DNAH2: variants seen among roughly 807,000 people sequenced by gnomAD.
DNAH2 encodes the protein dynein axonemal heavy chain 2.
DNAH2 carries 323 observed loss-of-function variants against 523.5 expected under a neutral mutation model. The observed-to-expected ratio is 0.62, with a 90% CI of 0.56 to 0.68. DNAH2 has a LOEUF of 0.68. DNAH2 is among the 30% of genes least tolerant of loss of function. The pLI is 0.00. For synonymous variants in DNAH2, 2,093 were observed against 2,177.4 expected, an observed-to-expected ratio of 0.96 and a Z score of 1.08; for missense variants, 4,907 against 5,701.5, an observed-to-expected ratio of 0.86 and a Z score of 4.49.
Position 7,833,505 on chromosome 17 carries a change from C to T in DNAH2, c.13256C>T (p.Thr4419Ile). Reference protein sequence around the residue: ...MTPDHWIKRGTALLMSLDS With the variant: ...MTPDHWIKRGIALLMSLDS ...CCTGATCATTGGATCAAGAGGGGCA[C>T]TGCTCTACTCATGAGCCTGGACAGC... The change falls in exon 86 of 86, where the codon ACT becomes ATT. Residue 4419 changes from threonine (T) to isoleucine (I), a missense_variant. Physicochemically the swap from Thr to Ile is moderately conservative, Grantham distance 89. Transcript: ENST00000572933. The T allele has an allele frequency of 2.5e-6, 4 of 1,614,130 alleles. No individual in the cohort carries two copies. The highest frequency in any genetic ancestry group is 3.4e-6 in the Non-Finnish European group (4 of 1,180,050).
rs368749075 is a variant in DNAH2, at chr17:7,759,096, A to G, written c.2420A>G (p.Tyr807Cys). Residue 807 changes from tyrosine (Y) to cysteine (C), a missense_variant, in exon 15 of 86, where the codon TAT becomes TGT. Around this residue, in one of 3 missense-constraint regions of DNAH2, gnomAD observed 2,806 missense variants for 3,190.8 expected, o/e 0.88. Transcript: ENST00000572933. ...GTGGTGACCATCATGACCAACTCCT[A>G]TGAGGTCTTCAAGAATGATGGTCCT... Reference protein sequence around the residue: ...QDVVTIMTNSYEVFKNDGPEI... With the variant: ...QDVVTIMTNSCEVFKNDGPEI... The G allele has an allele frequency of 5.5e-5, 88 of 1,614,068 alleles. 1 individual carries two copies. The highest frequency in any genetic ancestry group is 9.3e-5 in the African/African-American group (7 of 74,922).
Position 7,779,917 on chromosome 17 carries a change from G to A in DNAH2, c.5723-240G>A, listed in dbSNP as rs1420759300. On this transcript the variant is annotated intron_variant, in intron 36 of 85. Transcript: ENST00000572933. ...AGAGATGGGAAATTGACAGCTCTGT[G>A]ATTTGAGTTTGAAACAAGGCCATGC... Among the ~76,000 whole-genome samples the A allele has an allele frequency of 2.0e-5, 3 of 152,174 alleles. No individual in the cohort carries two copies. In the East Asian group the frequency reaches 5.8e-4, roughly 29 times the overall value.
Position 7,754,991 on chromosome 17 carries a change from G to A in DNAH2, c.1905-2100G>A. ...GAAAAAAAAAAAAAAAGAATAGGCA[G>A]CCCAGGAAGAAGGGTTAGCCTTGGG... On this transcript the variant is annotated intron_variant, in intron 12 of 85. Transcript: ENST00000572933. The surrounding 1 kb of genome is among the most constrained non-coding windows in gnomAD (Gnocchi z 4.6). The A allele has an allele frequency of 2.5e-6, 1 of 408,078 alleles. No individual in the cohort carries two copies. Among genetic ancestry groups the A allele is most frequent in the South Asian group, 6.9e-5 (1 of 14,414 alleles). 25.3% of individuals were successfully genotyped at this position (408,078 alleles called of 1,614,324 possible).
At chr17:7,823,329 C>T in intron 73 of DNAH2, 113 bp from the exon 74 acceptor site, 2 of 1,051,310 alleles carry the variant, frequency 1.9e-6, no homozygotes, top group East Asian at 2.6e-5. Flanking sequence ...GGTTTTCCCA[C>T]CGAGAGAGAG....
chr17:7,805,506 T>C, intron 61 of DNAH2, 113 bp downstream of exon 61: 1 of 1,470,998 alleles, frequency 6.8e-7, no homozygotes, highest in Non-Finnish European at 9.2e-7. Flanking sequence ...GTTCTTACCC[T>C]CAAGAGCACA....
chr17:7,801,509 G>A, intron 56 of DNAH2, 69 bp from the exon 57 acceptor site: 2 of 1,601,022 alleles, frequency 1.2e-6, no homozygotes, highest in South Asian at 2.2e-5. Context: ...GTGGATGCGT[G>A]TTGGGAAGCC....
rs564335191 is a variant in DNAH2 at position 7,718,570 on chromosome 17, C to T, written c.-244C>T. 2 of 152,524 alleles carry T rather than the reference C, an allele frequency of 1.3e-5. No homozygotes were observed. Among genetic ancestry groups the T allele is most frequent in the Non-Finnish European group, 1.5e-5 (1 of 68,038 alleles). 9.4% of individuals were successfully genotyped at this position (152,524 alleles called of 1,614,324 possible). ...CTTTCTGAGAGAGGCACCACTGTGACCTTCCTCGTGCCCCAATTGCTTTTT... is the reference window on the plus strand; with the variant it reads ...CTTTCTGAGAGAGGCACCACTGTGATCTTCCTCGTGCCCCAATTGCTTTTT... On this transcript the variant is annotated 5_prime_UTR_variant, in exon 1 of 86. Coordinates refer to ENST00000572933, the MANE Select transcript of DNAH2 (RefSeq NM_020877.5).
At chr17:7,738,123 A>G (rs1262805129) in intron 8 of DNAH2, 5 of 703,270 alleles carry the variant, frequency 7.1e-6, no homozygotes, top group South Asian at 3.0e-5. Context: ...CACATCCAGT[A>G]TGATACGCCT....
rs1350015519 is a variant in DNAH2 at position 7,798,810 on chromosome 17, A to G, written c.8559+92A>G. 6 of 782,156 alleles carry G rather than the reference A, an allele frequency of 7.7e-6. No homozygotes were observed. The Admixed American group carries it at 8.1e-5, about 11-fold the overall frequency. 48.5% of individuals were successfully genotyped at this position (782,156 alleles called of 1,614,324 possible). A position where few individuals can be genotyped will look rare whatever the true frequency, so the allele number is the denominator to read the frequency against. On this transcript the variant is annotated intron_variant, in intron 55 of 85. Transcript: ENST00000572933. The surrounding 1 kb of genome is among the most constrained non-coding windows in gnomAD (Gnocchi z 5.5). ...ACAGCTCCCAGAATGTGCCACTGGC[A>G]CACCCCCACTGCCACACCCCCACTG...
intron 42 of DNAH2, chr17:7,787,594 G>C (rs1472993451): frequency 1.7e-5 from 6 of 356,844 alleles, no homozygotes; most frequent in Non-Finnish European, 2.6e-5. Flanking sequence ...AAGTTAGCTG[G>C]GTGTGGTGTT....
intron 63 of DNAH2, among the ~76,000 whole-genome samples, chr17:7,812,010 C>T (rs545704698): frequency 6.6e-6 from 1 of 152,280 alleles, no homozygotes; most frequent in East Asian, 1.9e-4. Context: ...GATAAAATTA[C>T]GTTGCCAAAA....
At chr17:7,758,363 A>T in intron 13 of DNAH2, 132 bp from the exon 14 acceptor site, 2 of 1,161,048 alleles carry the variant, frequency 1.7e-6, no homozygotes, top group Non-Finnish European at 2.4e-6. Flanking sequence ...TTTTGGAAGT[A>T]CTAGTCTAGA....
At position 7,818,050 on chromosome 17, in the gene DNAH2, G is replaced by A. The variant is rs1159585921; in HGVS notation, c.10341G>A (p.Leu3447=). The A allele has an allele frequency of 6.2e-7, 1 of 1,613,740 alleles. No individual in the cohort carries two copies. The highest frequency in any genetic ancestry group is 8.5e-7 in the Non-Finnish European group (1 of 1,180,038). The part of the protein sequence containing the change: ...PVLLQNVQEY[L]DPTLNPMLNK... ...TACTTCAGAACGTGCAGGAATATCT[G>A]GACCCCACACTGAACCCCATGCTCA... is the stretch of plus-strand genomic sequence containing the variant. The change falls in exon 68 of 86, where the codon CTG becomes CTA. Residue 3447 remains leucine, a synonymous_variant. Transcript: ENST00000572933.
intron 22 of DNAH2, among the ~76,000 whole-genome samples, chr17:7,766,938 C>T (rs2076186233): frequency 6.6e-6 from 1 of 152,092 alleles, no homozygotes; most frequent in Non-Finnish European, 1.5e-5. Flanking sequence ...GTGTGAGCCA[C>T]CACGCCCTGC....
chr17:7,824,801 G>T, intron 77 of DNAH2, 74 bp downstream of exon 77: 1 of 1,271,678 alleles, frequency 7.9e-7, no homozygotes, highest in Non-Finnish European at 1.0e-6. Context: ...CCAGAGAGAG[G>T]GCTTAACCAA....
intron 21 of DNAH2, 90 bp downstream of exon 21, chr17:7,765,655 A>T: frequency 2.8e-6 from 4 of 1,408,818 alleles, no homozygotes; most frequent in African/African-American, 1.4e-5. Context: ...GAGAACTGGG[A>T]GGGGAGGAGG....
At chr17:7,825,561 C>T (rs1025284081) in intron 77 of DNAH2, among the ~76,000 whole-genome samples, 3 of 152,180 alleles carry the variant, frequency 2.0e-5, no homozygotes, top group Non-Finnish European at 2.9e-5. Context: ...TTTATTACTT[C>T]GGTGTTTCTT....
chr17:7,780,262 G>A lies in DNAH2; in HGVS notation c.5828G>A (p.Gly1943Glu). The change falls in exon 37 of 86, where the codon GGA becomes GAA. Residue 1943 changes from glycine (G) to glutamate (E), a missense_variant. Around this residue, in one of 3 missense-constraint regions of DNAH2, gnomAD observed 2,806 missense variants for 3,190.8 expected, o/e 0.88. Transcript: ENST00000572933. The surrounding 1 kb of genome is among the most constrained non-coding windows in gnomAD (Gnocchi z 4.4). ...STLIAEIILF[G>E]EGFGNCKILA... is the part of the protein sequence containing the mutation. ...CTCATTGCAGAAATCATTCTCTTTG[G>A]AGAGGGCTTTGGCAACTGCAAGGTA... 1 of 1,614,120 alleles carries A rather than the reference G, an allele frequency of 6.2e-7. No homozygotes were observed. The highest frequency in any genetic ancestry group is 8.5e-7 in the Non-Finnish European group (1 of 1,180,022).
At position 7,739,719 on chromosome 17, in the gene DNAH2, G is replaced by C; in HGVS notation, c.1171-14G>C. The stretch of plus-strand genomic sequence containing the variant: ...GAAGGAAAGCAGGAACCCTCATGCT[G>C]TCTTCTTTTTTAGGTATGTGACTGT... On this transcript the variant is annotated splice_polypyrimidine_tract_variant and intron_variant, in intron 8 of 85. Transcript: ENST00000572933. 1 of 1,609,876 alleles carries C rather than the reference G, an allele frequency of 6.2e-7. No individual in the cohort carries two copies. Among genetic ancestry groups the C allele is most frequent in the Non-Finnish European group, 8.5e-7 (1 of 1,179,724 alleles).
Sources: allele counts gnomAD v4.1 joint callset (sites outside exome capture counted in the v4.1 genomes callset), GRCh38; gene constraint gnomAD v4.1.1; regional missense constraint gnomAD v4.1.1; non-coding constraint Gnocchi (gnomAD v3.1); transcripts MANE v1.5; gene names NCBI Gene and HGNC (gene_info 2026-07-23, HGNC 2026-07-21).